The following VTI1A variants were observed in gnomAD, a reference collection of about 807,000 sequenced individuals.
VTI1A encodes the protein vesicle transport through interaction with t-SNAREs homolog 1A.
VTI1A carries 22 observed loss-of-function variants against 34.9 expected under a neutral mutation model. The ratio of observed to expected loss-of-function variants is 0.63; its 90% CI spans 0.45 to 0.90. VTI1A has a LOEUF of 0.90. VTI1A is among the 40% of genes least tolerant of loss of function. VTI1A has a pLI of 0.00. For synonymous variants in VTI1A, 87 were observed against 97.3 expected, an observed-to-expected ratio of 0.89 and a Z score of 0.62; for missense variants, 268 against 275.6, an observed-to-expected ratio of 0.97 and a Z score of 0.20.
At chr10:112,839,969 GTT>G in the VTI1A span, among the ~76,000 whole-genome samples, 29 of 152,238 alleles carry the variant, frequency 1.9e-4, 1 homozygote, top group African/African-American at 6.7e-4. Context: ...TTGGGCCTCA[GTT>G]TCCTCATCTG....
intron 7 of VTI1A, among the ~76,000 whole-genome samples, chr10:112,766,523 A>G (rs1376639705): frequency 6.6e-6 from 1 of 152,234 alleles, no homozygotes; most frequent in Non-Finnish European, 1.5e-5. Flanking sequence ...AGAGGAAACC[A>G]TTGCATTCAA....
chr10:112,540,727 T>G (rs1412891281), intron 5 of VTI1A, among the ~76,000 whole-genome samples: 1 of 152,232 alleles, frequency 6.6e-6, no homozygotes, highest in African/African-American at 2.4e-5. Context: ...TGTCAATCCA[T>G]AGCTCTGTGT....
chr10:112,744,684 A>G (rs1459533671), intron 7 of VTI1A, among the ~76,000 whole-genome samples: 1 of 152,056 alleles, frequency 6.6e-6, no homozygotes, highest in South Asian at 2.1e-4. Context: ...GGTTTAAGCA[A>G]TCCTCCCACC....
chr10:112,631,129 C>CA (rs545985584), intron 5 of VTI1A, among the ~76,000 whole-genome samples: 35 of 138,750 alleles, frequency 2.5e-4, no homozygotes, highest in Admixed American at 6.5e-4. Context: ...AACTCTGTCT[C>CA]AAAAAAAAAA....
At chr10:112,607,724 T>C (rs183174093) in intron 5 of VTI1A, among the ~76,000 whole-genome samples, 130 of 152,250 alleles carry the variant, frequency 8.5e-4, no homozygotes, top group Non-Finnish European at 1.4e-3. Flanking sequence ...GAGGTTATAA[T>C]TAACTGTAGG....
At chr10:112,770,722 A>T (rs1301201449) in intron 7 of VTI1A, among the ~76,000 whole-genome samples, 1 of 152,044 alleles carries the variant, frequency 6.6e-6, no homozygotes, top group Non-Finnish European at 1.5e-5. Context: ...GTTTTCTTAA[A>T]AAGAAAATTA....
intron 5 of VTI1A, among the ~76,000 whole-genome samples, chr10:112,599,150 T>C (rs1355245250): frequency 2.6e-5 from 4 of 152,178 alleles, no homozygotes; most frequent in African/African-American, 9.7e-5. Flanking sequence ...CCAGGGCCAC[T>C]GTGGAAAGCC....
intron 3 of VTI1A, among the ~76,000 whole-genome samples, chr10:112,469,114 A>G (rs1196794401): frequency 6.6e-6 from 1 of 152,172 alleles, no homozygotes; most frequent in African/African-American, 2.4e-5. Flanking sequence ...ATCCAGGTCA[A>G]TTTCTAGGTA....
chr10:112,563,909 G>A (rs1478476888), intron 5 of VTI1A, among the ~76,000 whole-genome samples: 2 of 152,030 alleles, frequency 1.3e-5, no homozygotes, highest in South Asian at 2.1e-4. Flanking sequence ...TCATGGCAAG[G>A]TATAGCATAT....
At chr10:112,504,239 A>G (rs1026938097) in intron 3 of VTI1A, among the ~76,000 whole-genome samples, 1 of 152,084 alleles carries the variant, frequency 6.6e-6, no homozygotes, top group Non-Finnish European at 1.5e-5. Flanking sequence ...TCTATTCCCT[A>G]TCCCATTTTG....
At chr10:112,624,167 G>A (rs116687854) in intron 5 of VTI1A, among the ~76,000 whole-genome samples, 2,661 of 152,102 alleles carry the variant, frequency 0.017, 78 homozygotes, top group African/African-American at 0.06. Flanking sequence ...TTTCTTTGTC[G>A]TCCTCTAGAG....
intron 7 of VTI1A, among the ~76,000 whole-genome samples, chr10:112,692,573 G>T (rs1011786630): frequency 6.6e-6 from 1 of 152,100 alleles, no homozygotes; most frequent in Non-Finnish European, 1.5e-5. Flanking sequence ...TTTTTATTGT[G>T]GGGAGGTGGG....
intron 1 of VTI1A, among the ~76,000 whole-genome samples, chr10:112,455,819 T>C (rs1343507792): frequency 6.6e-6 from 1 of 152,106 alleles, no homozygotes; most frequent in Non-Finnish European, 1.5e-5. Flanking sequence ...ACAAAATGAA[T>C]TTTATGAAAA....
intron 7 of VTI1A, among the ~76,000 whole-genome samples, chr10:112,690,441 C>T (rs961952087): frequency 7.2e-5 from 11 of 152,312 alleles, no homozygotes; most frequent in Middle Eastern, 3.4e-3. Context: ...ACTCAGAACC[C>T]ATTAAAGGGC....
intron 5 of VTI1A, among the ~76,000 whole-genome samples, chr10:112,555,329 T>TA: frequency 6.6e-6 from 1 of 152,248 alleles, no homozygotes. Flanking sequence ...CAAATGCTGG[T>TA]AAAACATAAT....
intron 7 of VTI1A, among the ~76,000 whole-genome samples, chr10:112,769,558 A>G (rs888214095): frequency 1.3e-5 from 2 of 152,182 alleles, no homozygotes; most frequent in Non-Finnish European, 2.9e-5. Flanking sequence ...CCACCCCTCC[A>G]TAAGCTGGAG....
At chr10:112,752,162 G>GA (rs1851127313) in intron 7 of VTI1A, among the ~76,000 whole-genome samples, 1 of 152,144 alleles carries the variant, frequency 6.6e-6, no homozygotes, top group Non-Finnish European at 1.5e-5. Context: ...AACAGGTATA[G>GA]AAAAAACACG....
chr10:112,603,470 T>A (rs1266358613), intron 5 of VTI1A, among the ~76,000 whole-genome samples: 6 of 152,206 alleles, frequency 3.9e-5, no homozygotes, highest in Admixed American at 1.3e-4. Context: ...TTTTGTTTTA[T>A]GTTTTGTTTG....
rs948406750 is a variant in VTI1A, at chr10:112,745,435, C to T, written c.561-69855C>T. Among the ~76,000 whole-genome samples the T allele has an allele frequency of 1.2e-4, 19 of 152,060 alleles. 1 individual carries two copies. The highest frequency in any genetic ancestry group is 1.2e-3 in the Admixed American group (19 of 15,266). ...ATTTTGTTTTTGTGCCACCCACGTA[C>T]CTCCAGTGTCGAGTGCTCTCACTAT... On this transcript the variant is annotated intron_variant, in intron 7 of 7. Transcript: ENST00000393077.
Sources: allele counts gnomAD v4.1 joint callset (sites outside exome capture counted in the v4.1 genomes callset), GRCh38; gene constraint gnomAD v4.1.1; transcripts MANE v1.5; gene names NCBI Gene and HGNC (gene_info 2026-07-23, HGNC 2026-07-21).